Variants in ZNF407 observed in about 807,000 individuals in gnomAD.
ZNF407 encodes the protein zinc finger protein 407.
Under a neutral mutation model 131.2 loss-of-function variants are expected in ZNF407, and 17 were observed. That is an observed-to-expected ratio of 0.13 (90% confidence interval 0.09 to 0.19). ZNF407 has a LOEUF of 0.19. ZNF407 is among the 10% of genes least tolerant of loss of function. The pLI is 1.00. For missense variants in ZNF407, 2,681 were observed against 2,830.6 expected (o/e 0.95, Z 1.20); for synonymous variants, 1,156 against 1,062.0 (o/e 1.09, Z -1.72).
chr18:74,706,142 T>C (rs1446673997), intron 3 of ZNF407, among the ~76,000 whole-genome samples: 1 of 152,232 alleles, frequency 6.6e-6, no homozygotes, highest in Non-Finnish European at 1.5e-5. Context: ...ATGTTGACAA[T>C]GAATTATGCA....
In ZNF407 at chr18:75,064,528, G is replaced by C; in HGVS notation, c.*60G>C. 1 of 1,367,162 alleles carries C rather than the reference G, an allele frequency of 7.3e-7. No homozygotes were observed. Among genetic ancestry groups the C allele is most frequent in the Non-Finnish European group, 9.7e-7 (1 of 1,026,792 alleles). The allele number at this position is 1,367,162 out of a possible 1,614,324, so 84.7% of individuals were successfully genotyped here. ...GTGGGAAGGTCCAGCTTCGGTGGGG[G>C]ACCGTGTTCCCTGAGCTTCATCTGA... On this transcript the variant is annotated 3_prime_UTR_variant, in exon 9 of 9. Coordinates refer to ENST00000299687, the MANE Select transcript of ZNF407 (RefSeq NM_017757.3).
At chr18:75,033,167 G>A (rs992182266) in intron 8 of ZNF407, among the ~76,000 whole-genome samples, 1 of 136,168 alleles carries the variant, frequency 7.3e-6, no homozygotes, top group Non-Finnish European at 1.5e-5. Context: ...AGACTGCTCA[G>A]AATGGGGGGA....
At chr18:75,004,001 G>T (rs1489875739) in intron 8 of ZNF407, among the ~76,000 whole-genome samples, 1 of 152,148 alleles carries the variant, frequency 6.6e-6, no homozygotes, top group Non-Finnish European at 1.5e-5. Flanking sequence ...CTCCCCAAAG[G>T]CCGTGAAGTC....
intron 3 of ZNF407, among the ~76,000 whole-genome samples, chr18:74,723,019 C>A (rs755537627): frequency 6.6e-6 from 1 of 151,904 alleles, no homozygotes; most frequent in African/African-American, 2.4e-5. Flanking sequence ...CATTTTTCTC[C>A]GTCTGTTCTT....
chr18:74,803,836 T>C (rs370213245), intron 4 of ZNF407: 1 of 967,272 alleles, frequency 1.0e-6, no homozygotes, highest in East Asian at 2.7e-5. Context: ...TTATCAATAT[T>C]AATACTTTCT....
chr18:74,791,582 A>G (rs554899654), intron 4 of ZNF407, among the ~76,000 whole-genome samples: 1 of 152,288 alleles, frequency 6.6e-6, no homozygotes, highest in African/African-American at 2.4e-5. Context: ...ACTCATTGCC[A>G]TACAGAAAGC....
intron 8 of ZNF407, among the ~76,000 whole-genome samples, chr18:74,952,395 T>G (rs1056359356): frequency 6.6e-6 from 1 of 152,170 alleles, no homozygotes; most frequent in Non-Finnish European, 1.5e-5. Flanking sequence ...ACAGGGAGTT[T>G]AGGAACTGGC....
chr18:74,714,027 A>G (rs373781333), intron 3 of ZNF407, among the ~76,000 whole-genome samples: 7 of 152,254 alleles, frequency 4.6e-5, no homozygotes, highest in African/African-American at 1.7e-4. Flanking sequence ...TAAGCTGCTT[A>G]TCATTTCAGC....
At chr18:74,609,569 T>A (rs1384445419) in intron 1 of ZNF407, among the ~76,000 whole-genome samples, 1 of 152,236 alleles carries the variant, frequency 6.6e-6, no homozygotes, top group Non-Finnish European at 1.5e-5. Context: ...CTTGTGGGAC[T>A]GGAAGTTGCT....
chr18:74,918,850 CT>C (rs1477114458), intron 7 of ZNF407, among the ~76,000 whole-genome samples: 2 of 152,006 alleles, frequency 1.3e-5, no homozygotes, highest in African/African-American at 2.4e-5. Context: ...TCTTTCTAGT[CT>C]TTTTCCTAGG....
chr18:74,695,069 A>AT (rs1047618203), intron 3 of ZNF407, among the ~76,000 whole-genome samples: 3 of 152,164 alleles, frequency 2.0e-5, no homozygotes, highest in African/African-American at 4.8e-5. Flanking sequence ...TCCTTTTGAA[A>AT]TTCTTTTTTA....
At chr18:74,877,071 G>A (rs1971167599) in intron 4 of ZNF407, 126 bp from the exon 5 acceptor site, 2 of 758,348 alleles carry the variant, frequency 2.6e-6, no homozygotes, top group South Asian at 3.2e-5. Context: ...TGACAGACCA[G>A]GCCTGCAGTG....
intron 7 of ZNF407, among the ~76,000 whole-genome samples, chr18:74,912,026 A>T (rs1317695279): frequency 6.6e-6 from 1 of 152,122 alleles, no homozygotes; most frequent in African/African-American, 2.4e-5. Flanking sequence ...TAATTTTACA[A>T]AAAAGCAAAT....
rs141683519 is a variant in ZNF407, at chr18:74,911,922, G to A, written c.5250-8592G>A. Among the ~76,000 whole-genome samples, 8 of 152,128 alleles carry A rather than the reference G, an allele frequency of 5.3e-5. No individual in the cohort carries two copies. In the South Asian group the frequency reaches 6.2e-4, roughly 12 times the overall value. ...GCGGGAATGAGAATGCTCTTTGGGC[G>A]GTGGGTTGTAGGAGCTTTCTGTTGT... On this transcript the variant is annotated intron_variant, in intron 7 of 8. Transcript: ENST00000299687.
At chr18:74,876,095 G>A (rs1971152186) in intron 4 of ZNF407, among the ~76,000 whole-genome samples, 1 of 152,114 alleles carries the variant, frequency 6.6e-6, no homozygotes, top group Admixed American at 6.5e-5. Flanking sequence ...TAAAAGTATG[G>A]TTAAAGACTC....
intron 3 of ZNF407, among the ~76,000 whole-genome samples, chr18:74,756,116 A>G (rs1968956494): frequency 6.7e-6 from 1 of 148,522 alleles, no homozygotes; most frequent in Non-Finnish European, 1.5e-5. Context: ...ATGGTCTCGA[A>G]CTCCTGACCT....
At chr18:74,850,708 C>T (rs1158752756) in intron 4 of ZNF407, among the ~76,000 whole-genome samples, 6 of 152,184 alleles carry the variant, frequency 3.9e-5, no homozygotes, top group African/African-American at 1.4e-4. Flanking sequence ...TTTCCTCTCA[C>T]TGTTCAGTTT....
At chr18:75,058,498 T>G (rs1044263820) in intron 8 of ZNF407, among the ~76,000 whole-genome samples, 2 of 152,164 alleles carry the variant, frequency 1.3e-5, no homozygotes, top group East Asian at 3.9e-4. Flanking sequence ...AAAAGAATGA[T>G]TTTAGGCACA....
At chr18:74,988,043 A>G (rs1175732494) in intron 8 of ZNF407, among the ~76,000 whole-genome samples, 3 of 152,238 alleles carry the variant, frequency 2.0e-5, no homozygotes, top group African/African-American at 7.2e-5. Flanking sequence ...CTGGATTCCA[A>G]TACCTACTCT....
Sources: allele counts gnomAD v4.1 joint callset (sites outside exome capture counted in the v4.1 genomes callset), GRCh38; gene constraint gnomAD v4.1.1; transcripts MANE v1.5; gene names NCBI Gene and HGNC (gene_info 2026-07-23, HGNC 2026-07-21).